SNX29: variants seen among roughly 807,000 people sequenced by gnomAD.
The protein encoded by SNX29 is sorting nexin 29.
In SNX29, 78 loss-of-function variants were observed where a neutral mutation model predicts 102.1. The ratio of observed to expected loss-of-function variants is 0.76; its 90% CI spans 0.64 to 0.92. The LOEUF (loss-of-function observed/expected upper bound fraction) is 0.92. SNX29 is among the 40% of genes least tolerant of loss of function. The pLI is 0.00. For synonymous variants in SNX29, 580 were observed against 414.5 expected (o/e 1.40, Z -4.85); for missense variants, 1,280 against 1,061.7 (o/e 1.21, Z -2.86).
intron 15 of SNX29, among the ~76,000 whole-genome samples, chr16:12,349,456 C>T (rs553627148): frequency 5.1e-4 from 78 of 152,350 alleles, no homozygotes; most frequent in African/African-American, 1.9e-3. Context: ...ACAGGTTGAG[C>T]ATCCCAAATC....
intron 20 of SNX29, among the ~76,000 whole-genome samples, chr16:12,525,046 G>T (rs139463115): frequency 1.3e-5 from 2 of 152,128 alleles, no homozygotes; most frequent in Non-Finnish European, 2.9e-5. Context: ...AAGAGAGCAG[G>T]CCTGCAAATG....
chr16:12,372,204 G>C (rs998660818), intron 16 of SNX29, among the ~76,000 whole-genome samples: 22 of 152,148 alleles, frequency 1.4e-4, no homozygotes, highest in Non-Finnish European at 3.1e-4. Context: ...ATACTGTTCA[G>C]ATTGTTTTGA....
intron 13 of SNX29, among the ~76,000 whole-genome samples, chr16:12,154,084 A>G (rs1051165715): frequency 5.3e-5 from 8 of 152,176 alleles, no homozygotes; most frequent in African/African-American, 1.7e-4. Context: ...ACATACAAAT[A>G]ATTAGAAGTT....
At chr16:12,380,557 A>C (rs1374065344) in intron 16 of SNX29, among the ~76,000 whole-genome samples, 1 of 107,438 alleles carries the variant, frequency 9.3e-6, no homozygotes, top group African/African-American at 3.6e-5. Flanking sequence ...CCATCCATCC[A>C]TCCACCCACC....
intron 14 of SNX29, among the ~76,000 whole-genome samples, chr16:12,204,499 G>C (rs746000625): frequency 1.7e-4 from 26 of 152,276 alleles, no homozygotes; most frequent in Non-Finnish European, 2.6e-4. Context: ...CCATAGCGTA[G>C]TCCTGTTCAA....
intron 20 of SNX29, among the ~76,000 whole-genome samples, chr16:12,525,919 C>T (rs1206264224): frequency 6.6e-6 from 1 of 152,150 alleles, no homozygotes; most frequent in Admixed American, 6.5e-5. Flanking sequence ...TGCCTTGCCA[C>T]TGATTAGTCC....
intron 18 of SNX29, 144 bp from the exon 19 acceptor site, chr16:12,477,575 C>T: frequency 1.1e-6 from 1 of 920,770 alleles, no homozygotes; most frequent in Non-Finnish European, 1.6e-6. Flanking sequence ...AATCCCTGCT[C>T]TATGCCAGGA....
intron 20 of SNX29, chr16:12,527,408 A>G (rs754357065): frequency 8.9e-6 from 4 of 451,608 alleles, no homozygotes; most frequent in South Asian, 7.6e-5. Flanking sequence ...CCCCCAAAGC[A>G]TAATTATTCT....
At chr16:12,444,228 G>A (rs948966832) in intron 18 of SNX29, among the ~76,000 whole-genome samples, 41 of 145,890 alleles carry the variant, frequency 2.8e-4, no homozygotes, top group African/African-American at 1.1e-3. Context: ...CCCCTAGCAT[G>A]TGGTAAGCAC....
At chr16:12,032,200 C>CTT (rs1303679506) in intron 4 of SNX29, among the ~76,000 whole-genome samples, 7 of 141,336 alleles carry the variant, frequency 5.0e-5, no homozygotes, top group South Asian at 2.2e-4. Context: ...TCTTCTTCTT[C>CTT]TTCTTTTTTT....
intron 19 of SNX29, among the ~76,000 whole-genome samples, chr16:12,516,481 GAAA>G (rs5815691): frequency 3.7e-5 from 4 of 109,532 alleles, no homozygotes; most frequent in Admixed American, 1.0e-4. Context: ...TCCCGTCTCA[GAAA>G]AAAAAAAAAA....
intron 15 of SNX29, among the ~76,000 whole-genome samples, chr16:12,299,982 T>G (rs879022566): frequency 6.6e-6 from 1 of 151,640 alleles, no homozygotes; most frequent in Non-Finnish European, 1.5e-5. Flanking sequence ...GCGATTCTCC[T>G]GCCTCAGCCT....
chr16:12,196,622 CTTT>C (rs34779383), intron 13 of SNX29, among the ~76,000 whole-genome samples: 8 of 129,650 alleles, frequency 6.2e-5, no homozygotes, highest in Admixed American at 1.7e-4. Flanking sequence ...TTTCTTTTTT[CTTT>C]TTTTTTTTTT....
chr16:12,154,913 C>T (rs892279029), intron 13 of SNX29, among the ~76,000 whole-genome samples: 9 of 152,188 alleles, frequency 5.9e-5, no homozygotes, highest in African/African-American at 2.2e-4. Context: ...GCCGCACCTC[C>T]TAATATCATC....
At chr16:12,489,458 C>G (rs2088426098) in intron 19 of SNX29, among the ~76,000 whole-genome samples, 2 of 152,172 alleles carry the variant, frequency 1.3e-5, no homozygotes, top group African/African-American at 4.8e-5. Flanking sequence ...AGGGAAAGAG[C>G]TTGGGCTGTG....
intron 13 of SNX29, among the ~76,000 whole-genome samples, chr16:12,162,013 TGTTG>T (rs988464184): frequency 3.9e-5 from 6 of 152,210 alleles, no homozygotes; most frequent in African/African-American, 1.4e-4. Context: ...TCACCACCCC[TGTTG>T]GTTTCTTTTC....
intron 17 of SNX29, among the ~76,000 whole-genome samples, chr16:12,400,747 G>A (rs934770983): frequency 2.6e-5 from 4 of 152,186 alleles, no homozygotes; most frequent in Admixed American, 2.6e-4. Context: ...AACATGTGAT[G>A]TAAAAAATCA....
intron 14 of SNX29, among the ~76,000 whole-genome samples, chr16:12,256,354 T>G (rs984271876): frequency 1.2e-4 from 18 of 152,198 alleles, no homozygotes; most frequent in Admixed American, 6.5e-5. Flanking sequence ...CCTGAGAATT[T>G]TTGTTTTTTG....
intron 14 of SNX29, among the ~76,000 whole-genome samples, chr16:12,272,007 G>T (rs1287701114): frequency 6.6e-6 from 1 of 152,192 alleles, no homozygotes; most frequent in East Asian, 1.9e-4. Flanking sequence ...ACATGGAATT[G>T]AAATTTTTGG....
Sources: gnomAD v4.1 joint callset for allele counts (sites outside exome capture counted in the v4.1 genomes callset) on GRCh38, gnomAD v4.1.1 for gene constraint, MANE v1.5 for transcripts, NCBI Gene and HGNC (gene_info 2026-07-23, HGNC 2026-07-21) for gene names.